Variants in GGNBP2 observed in about 807,000 individuals in gnomAD.
The protein encoded by GGNBP2 is gametogenetin-binding protein 2.
In GGNBP2, 10 loss-of-function variants were observed where a neutral mutation model predicts 85.9. That is an observed-to-expected ratio of 0.12 (90% CI 0.07 to 0.20). The LOEUF (loss-of-function observed/expected upper bound fraction) is 0.20, where lower values mean the gene tolerates loss of function less well. GGNBP2 is among the 10% of genes least tolerant of loss of function. GGNBP2 has a pLI of 1.00. For synonymous variants in GGNBP2, 287 were observed against 285.7 expected, an observed-to-expected ratio of 1.00 and a Z score of -0.05; for missense variants, 595 against 857.8, an observed-to-expected ratio of 0.69 and a Z score of 3.83.
At chr17:36,560,170 C>T (rs190458090) in intron 4 of GGNBP2, among the ~76,000 whole-genome samples, 12 of 152,132 alleles carry the variant, frequency 7.9e-5, no homozygotes, top group Non-Finnish European at 1.5e-4. Flanking sequence ...GTTACCCAGG[C>T]TGGCTTTGAA....
chr17:36,563,334 AT>A (rs2074438031), intron 5 of GGNBP2, among the ~76,000 whole-genome samples: 1 of 152,166 alleles, frequency 6.6e-6, no homozygotes, highest in African/African-American at 2.4e-5. Flanking sequence ...AAAGTAAAAA[AT>A]ACAATGATTG....
At chr17:36,554,770 T>G (rs752048833) in intron 2 of GGNBP2, 50 bp from the exon 3 acceptor site, 3 of 1,125,726 alleles carry the variant, frequency 2.7e-6, no homozygotes, top group Non-Finnish European at 4.1e-6. Flanking sequence ...GGCTGTATCC[T>G]GTTCTCAGAG....
intron 8 of GGNBP2, among the ~76,000 whole-genome samples, chr17:36,579,901 T>C (rs1212740249): frequency 1.3e-5 from 2 of 151,942 alleles, no homozygotes. Context: ...ATCCAGCTAC[T>C]TGGGAGGCTG....
intron 7 of GGNBP2, 112 bp from the exon 8 acceptor site, chr17:36,579,133 T>C: frequency 1.2e-6 from 1 of 811,550 alleles, no homozygotes; most frequent in South Asian, 1.6e-5. Context: ...AATGTATAAC[T>C]GTCTTGTTAC....
In GGNBP2 at chr17:36,567,654, T is replaced by C. The variant is rs764430982; in HGVS notation, c.528-9T>C. On this transcript the variant is annotated splice_polypyrimidine_tract_variant and intron_variant, in intron 5 of 13. Transcript: ENST00000613102. ...TCTCCCTTTTCACTAATATTTGTTC[T>C]TTCTACAGAGGTTGTTGGATGGATG... The C allele has an allele frequency of 5.5e-6, 8 of 1,461,758 alleles. No homozygotes were observed. In the East Asian group the frequency reaches 1.6e-4, roughly 29 times the overall value. 90.5% of individuals were successfully genotyped at this position (1,461,758 alleles called of 1,614,324 possible). A position where few individuals can be genotyped will look rare whatever the true frequency, so the allele number is the denominator to read the frequency against.
intron 1 of GGNBP2, 72 bp from the exon 2 acceptor site, chr17:36,545,547 G>A (rs1019270460): frequency 7.0e-6 from 4 of 570,554 alleles, no homozygotes; most frequent in African/African-American, 1.9e-5. Flanking sequence ...CTCCCGCTCC[G>A]CTCCCTGCCC....
At position 36,557,147 on chromosome 17, in the gene GGNBP2, T is replaced by C. The variant is rs755206207; in HGVS notation, c.239T>C (p.Leu80Pro). 33 of 1,614,022 alleles carry C rather than the reference T, an allele frequency of 2.0e-5. No homozygotes were observed. Among genetic ancestry groups the C allele is most frequent in the Non-Finnish European group, 2.2e-5 (26 of 1,180,040 alleles). Residue 80 changes from leucine to proline, a missense_variant, in exon 4 of 14, where the codon CTG (leucine) becomes CCG (proline). By Grantham distance (98) the Leu-to-Pro change is moderately conservative. Coordinates refer to ENST00000613102, the MANE Select transcript of GGNBP2 (RefSeq NM_024835.5). ...IAMVVTSREVLSALSQLVPCV... is the reference protein window; with the variant it reads ...IAMVVTSREVPSALSQLVPCV... Reference sequence around the variant, plus strand: ...ATGGTGGTGACATCACGCGAAGTCCTGAGTGCACTTTCTCAGCTTGTCCCA... The same window carrying C: ...ATGGTGGTGACATCACGCGAAGTCCCGAGTGCACTTTCTCAGCTTGTCCCA...
chr17:36,558,171 T>A (rs1297985512), intron 4 of GGNBP2, among the ~76,000 whole-genome samples: 1 of 151,916 alleles, frequency 6.6e-6, no homozygotes, highest in Admixed American at 6.6e-5. Flanking sequence ...CCCAACACTT[T>A]GGGAGGCCGA....
rs2074737826 is a variant in GGNBP2 at position 36,589,523 on chromosome 17, T to C, written c.*112T>C. 12 of 741,142 alleles carry C rather than the reference T, an allele frequency of 1.6e-5. No individual in the cohort carries two copies. In the East Asian group the frequency reaches 3.1e-4, roughly 19 times the overall value. 45.9% of individuals were successfully genotyped at this position (741,142 alleles called of 1,614,324 possible). A position where few individuals can be genotyped will look rare whatever the true frequency, so the allele number is the denominator to read the frequency against. On this transcript the variant is annotated 3_prime_UTR_variant, in exon 14 of 14. Coordinates refer to ENST00000613102, the MANE Select transcript of GGNBP2 (RefSeq NM_024835.5). ...ATGGCAAAATTTTATCTTAAATCAA[T>C]GTGATTCTTTCTTGTTTTGGGAGAC...
Position 36,557,115 on chromosome 17 carries a change from T to C in GGNBP2, c.207T>C (p.Ser69=). The C allele has an allele frequency of 1.2e-6, 2 of 1,614,112 alleles. No homozygotes were observed. The highest frequency in any genetic ancestry group is 1.7e-6 in the Non-Finnish European group (2 of 1,180,022). Residue 69 remains serine, a synonymous_variant, in exon 4 of 14, where the codon AGT becomes AGC. Coordinates refer to ENST00000613102, the MANE Select transcript of GGNBP2 (RefSeq NM_024835.5). ...GTATGCTTAAGCAACAGGATCTAAG[T>C]ATTGCCATGGTGGTGACATCACGCG... ...RHGMLKQQDL[S]IAMVVTSREV... is the part of the protein sequence containing the mutation.
intron 2 of GGNBP2, among the ~76,000 whole-genome samples, chr17:36,553,940 C>A (rs1004543490): frequency 4.6e-5 from 7 of 152,062 alleles, no homozygotes; most frequent in African/African-American, 1.7e-4. Flanking sequence ...GTTTCATATG[C>A]CTTCCTATGG....
At chr17:36,556,253 G>T (rs2074360012) in intron 3 of GGNBP2, among the ~76,000 whole-genome samples, 1 of 152,162 alleles carries the variant, frequency 6.6e-6, no homozygotes, top group Admixed American at 6.5e-5. Flanking sequence ...CCCTACATAA[G>T]GAAGATAGGC....
At chr17:36,551,498 T>G (rs1448437059) in intron 2 of GGNBP2, among the ~76,000 whole-genome samples, 1 of 151,866 alleles carries the variant, frequency 6.6e-6, no homozygotes, top group East Asian at 2.0e-4. Flanking sequence ...GCCACCGGCT[T>G]CTTTATTGAC....
At chr17:36,583,609 C>A (rs2074673046) in intron 9 of GGNBP2, among the ~76,000 whole-genome samples, 1 of 152,086 alleles carries the variant, frequency 6.6e-6, no homozygotes, top group Non-Finnish European at 1.5e-5. Context: ...CAGGCGCCTA[C>A]CACCATGCCC....
Position 36,589,484 on chromosome 17 carries a change from T to C in GGNBP2, c.*73T>C. 2 of 1,236,726 alleles carry C rather than the reference T, an allele frequency of 1.6e-6. No homozygotes were observed. Among genetic ancestry groups the C allele is most frequent in the East Asian group, 4.7e-5 (2 of 42,932 alleles). 76.6% of individuals were successfully genotyped at this position (1,236,726 alleles called of 1,614,324 possible). A position where few individuals can be genotyped will look rare whatever the true frequency, so the allele number is the denominator to read the frequency against. ...TGCGCCTTCTCTTTCGAAAAACTCT[T>C]AATTTAGTGACTTATGGCAAAATTT... On this transcript the variant is annotated 3_prime_UTR_variant, in exon 14 of 14. Coordinates refer to ENST00000613102, the MANE Select transcript of GGNBP2 (RefSeq NM_024835.5).
intron 13 of GGNBP2, 70 bp downstream of exon 13, chr17:36,587,315 T>G: frequency 3.3e-6 from 5 of 1,509,108 alleles, no homozygotes; most frequent in African/African-American, 1.4e-5. Context: ...GGGGATAGTA[T>G]TTGAGGGCTT....
At chr17:36,563,833 G>A (rs1006693348) in intron 5 of GGNBP2, among the ~76,000 whole-genome samples, 5 of 149,362 alleles carry the variant, frequency 3.3e-5, no homozygotes, top group South Asian at 2.1e-4. Context: ...AACCTCTGCC[G>A]CCTGGGTTCA....
chr17:36,585,178 A>T (rs948513995), intron 9 of GGNBP2, 122 bp from the exon 10 acceptor site: 11 of 769,542 alleles, frequency 1.4e-5, no homozygotes, highest in Middle Eastern at 2.6e-4. Flanking sequence ...GTCAGTGTAA[A>T]TGTCAGTACA....
chr17:36,560,371 A>C (rs1375921813), intron 4 of GGNBP2, among the ~76,000 whole-genome samples: 1 of 151,974 alleles, frequency 6.6e-6, no homozygotes, highest in East Asian at 1.9e-4. Context: ...TCTGTTGATG[A>C]CTCCTCTTCA....
Sources: gnomAD v4.1 joint callset for allele counts (sites outside exome capture counted in the v4.1 genomes callset) on GRCh38, gnomAD v4.1.1 for gene constraint, MANE v1.5 for transcripts, NCBI Gene and HGNC (gene_info 2026-07-23, HGNC 2026-07-21) for gene names.